Variants in NRG1 observed in about 807,000 individuals in gnomAD.
The protein encoded by NRG1 is pro-neuregulin-1, membrane-bound isoform.
In NRG1, 18 loss-of-function variants were observed where a neutral mutation model predicts 63.8. The observed-to-expected ratio is 0.28, with a 90% CI of 0.19 to 0.42. NRG1 has a LOEUF of 0.42. Ranked by LOEUF, NRG1 falls within the 10% of genes least tolerant of loss-of-function variation. NRG1 has a pLI of 1.00. For synonymous variants in NRG1, 302 were observed against 301.3 expected (o/e 1.00, Z -0.02); for missense variants, 762 against 814.7 (o/e 0.94, Z 0.79).
At chr8:31,678,531 A>G (rs1356863556) in intron 1 of NRG1, among the ~76,000 whole-genome samples, 2 of 151,782 alleles carry the variant, frequency 1.3e-5, no homozygotes, top group Non-Finnish European at 2.9e-5. Flanking sequence ...ATTTGTTTCT[A>G]TTTGGTTTCT....
At chr8:32,396,031 G>A (rs913750551) in intron 1 of NRG1, among the ~76,000 whole-genome samples, 1 of 152,038 alleles carries the variant, frequency 6.6e-6, no homozygotes, top group Non-Finnish European at 1.5e-5. Context: ...AAAATAAATT[G>A]ACTATGTGTA....
intron 1 of NRG1, among the ~76,000 whole-genome samples, chr8:31,961,515 AAGT>A (rs1805449280): frequency 6.6e-6 from 1 of 152,232 alleles, no homozygotes; most frequent in Non-Finnish European, 1.5e-5. Context: ...ATTTTTATAA[AAGT>A]AGTATCTCAT....
At chr8:31,790,969 G>A (rs1037385658) in intron 1 of NRG1, among the ~76,000 whole-genome samples, 3 of 152,174 alleles carry the variant, frequency 2.0e-5, no homozygotes, top group African/African-American at 4.8e-5. Flanking sequence ...CCAGCACTTT[G>A]GGAGGCTGAG....
intron 1 of NRG1, among the ~76,000 whole-genome samples, chr8:31,651,038 A>T (rs947631155): frequency 6.6e-6 from 1 of 152,088 alleles, no homozygotes; most frequent in Non-Finnish European, 1.5e-5. Flanking sequence ...CTTTTTCTGG[A>T]GCTTATTTTC....
intron 1 of NRG1, among the ~76,000 whole-genome samples, chr8:32,528,796 A>C (rs1831149849): frequency 6.6e-6 from 1 of 152,224 alleles, no homozygotes; most frequent in Non-Finnish European, 1.5e-5. Flanking sequence ...TGTAGCTTTA[A>C]TTCAACACAC....
At chr8:32,668,111 G>T (rs994609947) in intron 5 of NRG1, among the ~76,000 whole-genome samples, 1 of 151,970 alleles carries the variant, frequency 6.6e-6, no homozygotes, top group Non-Finnish European at 1.5e-5. Flanking sequence ...TACTTGAGAG[G>T]CTGAGGCAGG....
intron 1 of NRG1, among the ~76,000 whole-genome samples, chr8:32,423,959 G>A (rs912484867): frequency 2.6e-5 from 4 of 152,054 alleles, no homozygotes; most frequent in Admixed American, 6.6e-5. Context: ...ATTTTGAGCC[G>A]ATATTTGGAA....
intron 1 of NRG1, among the ~76,000 whole-genome samples, chr8:31,936,447 T>C (rs1182582740): frequency 6.6e-6 from 1 of 152,208 alleles, no homozygotes; most frequent in East Asian, 1.9e-4. Flanking sequence ...TAATCTTGAG[T>C]GTCTCCCCTT....
At chr8:31,812,122 TA>T (rs1447429645) in intron 1 of NRG1, among the ~76,000 whole-genome samples, 1 of 152,152 alleles carries the variant, frequency 6.6e-6, no homozygotes, top group Non-Finnish European at 1.5e-5. Flanking sequence ...TGAACCTTGG[TA>T]GGTTGTAGGA....
intron 1 of NRG1, among the ~76,000 whole-genome samples, chr8:31,820,373 C>T (rs992874733): frequency 6.6e-6 from 1 of 152,150 alleles, no homozygotes. Flanking sequence ...AAATGACTCT[C>T]GGGGAGAGTA....
At chr8:31,901,610 G>GC (rs1474184188) in intron 1 of NRG1, among the ~76,000 whole-genome samples, 1 of 152,120 alleles carries the variant, frequency 6.6e-6, no homozygotes, top group Admixed American at 6.6e-5. Flanking sequence ...TGATCTCTGT[G>GC]CCCCTTTGGA....
chr8:31,974,854 C>T (rs1409487080), intron 1 of NRG1, among the ~76,000 whole-genome samples: 1 of 152,186 alleles, frequency 6.6e-6, no homozygotes, highest in African/African-American at 2.4e-5. Flanking sequence ...TCCTTGAAGG[C>T]ATAATTTCAC....
intron 1 of NRG1, among the ~76,000 whole-genome samples, chr8:32,375,301 C>T (rs1809480175): frequency 6.6e-6 from 1 of 152,016 alleles, no homozygotes; most frequent in South Asian, 2.1e-4. Flanking sequence ...TAGACAGCTA[C>T]CCCTCTGTGG....
At chr8:31,953,976 C>T (rs1265350737) in intron 1 of NRG1, among the ~76,000 whole-genome samples, 1 of 152,180 alleles carries the variant, frequency 6.6e-6, no homozygotes, top group African/African-American at 2.4e-5. Flanking sequence ...TCTATAAAAT[C>T]TGGCCAATAA....
At chr8:32,596,047 TA>T (rs1843297819) in intron 2 of NRG1, 42 bp downstream of exon 2, 2 of 1,467,186 alleles carry the variant, frequency 1.4e-6, no homozygotes, top group Non-Finnish European at 1.9e-6. Context: ...CCCCCAGCAA[TA>T]AGATAACATA....
intron 1 of NRG1, among the ~76,000 whole-genome samples, chr8:31,765,767 G>T (rs2131543523): frequency 6.6e-6 from 1 of 152,220 alleles, no homozygotes; most frequent in South Asian, 2.1e-4. Context: ...TTTGGGCCAA[G>T]ATTTTACTCC....
intron 1 of NRG1, among the ~76,000 whole-genome samples, chr8:31,891,817 T>C (rs1262739954): frequency 6.6e-6 from 1 of 152,128 alleles, no homozygotes; most frequent in Non-Finnish European, 1.5e-5. Context: ...AGCAATAAAA[T>C]AGAACAGGCA....
chr8:31,639,726 GT>G (rs112878545), intron 1 of NRG1: 10 of 1,362,484 alleles, frequency 7.3e-6, no homozygotes, highest in African/African-American at 6.2e-5. Context: ...GGCGGCAGCG[GT>G]TTTTTTGCCT....
chr8:31,795,109 A>G (rs1821079378), intron 1 of NRG1, among the ~76,000 whole-genome samples: 1 of 152,056 alleles, frequency 6.6e-6, no homozygotes, highest in South Asian at 2.1e-4. Flanking sequence ...AGCCTGTAAT[A>G]TATTTCATTC....
Sources: allele counts gnomAD v4.1 joint callset (sites outside exome capture counted in the v4.1 genomes callset), GRCh38; gene constraint gnomAD v4.1.1; transcripts MANE v1.5; gene names NCBI Gene and HGNC (gene_info 2026-07-23, HGNC 2026-07-21).